Variants in AGAP1 observed in about 807,000 individuals in gnomAD.
AGAP1 encodes ArfGAP with GTPase domain, ankyrin repeat and PH domain 1.
Under a neutral mutation model 105.3 loss-of-function variants are expected in AGAP1, and 29 were observed. The ratio of observed to expected loss-of-function variants is 0.28; its 90% CI spans 0.21 to 0.38. The LOEUF (loss-of-function observed/expected upper bound fraction) is 0.38, where lower values mean the gene tolerates loss of function less well. Among genes scored for constraint, AGAP1 ranks in the 10% least tolerant of loss-of-function variants. The pLI is 1.00. For missense variants in AGAP1, 998 were observed against 1,165.1 expected (o/e 0.86, Z 2.09); for synonymous variants, 509 against 485.9 (o/e 1.05, Z -0.63).
At chr2:235,680,078 C>T (rs1036149273) in intron 1 of AGAP1, among the ~76,000 whole-genome samples, 6 of 152,208 alleles carry the variant, frequency 3.9e-5, no homozygotes, top group Non-Finnish European at 8.8e-5. Flanking sequence ...AGTGGTTGAG[C>T]TAGCAAGTAA....
At chr2:235,675,100 A>G (rs1002472672) in intron 1 of AGAP1, among the ~76,000 whole-genome samples, 3 of 152,056 alleles carry the variant, frequency 2.0e-5, no homozygotes, top group African/African-American at 4.8e-5. Flanking sequence ...ATGAAATAAA[A>G]TTACTGAAAC....
chr2:236,058,508 T>C lies in AGAP1; in HGVS notation c.2114+9227T>C, dbSNP rs1311085480. Among the ~76,000 whole-genome samples the C allele has an allele frequency of 6.6e-6, 1 of 152,162 alleles. No individual in the cohort carries two copies. Among genetic ancestry groups the C allele is most frequent in the East Asian group, 1.9e-4 (1 of 5,192 alleles). The stretch of plus-strand genomic sequence containing the variant: ...CTTTTCAAGGGATACAGAAAATACA[T>C]TTGACAAAACCACGTGCCCTTTCAT... On this transcript the variant is annotated intron_variant, in intron 16 of 17. Transcript: ENST00000304032. The surrounding 1 kb of genome is among the most constrained non-coding windows in gnomAD (Gnocchi z 4.6).
At chr2:235,899,921 A>T (rs1041655756) in intron 10 of AGAP1, among the ~76,000 whole-genome samples, 2 of 152,254 alleles carry the variant, frequency 1.3e-5, no homozygotes, top group African/African-American at 4.8e-5. Flanking sequence ...GTCAAGACAG[A>T]TACAGTCAAG....
rs1412109765 is a variant in AGAP1 at position 235,494,525 on chromosome 2, C to A, written c.-162C>A. The stretch of plus-strand genomic sequence containing the variant: ...GAACTGAGCCCGCGGGCCAGCCCCG[C>A]GCCTGCTCCGCCCGCGCCTTTCTTC... On this transcript the variant is annotated 5_prime_UTR_variant, in exon 1 of 18. Coordinates refer to ENST00000304032, the MANE Select transcript of AGAP1 (RefSeq NM_001037131.3). The A allele has an allele frequency of 6.9e-6, 1 of 145,330 alleles. No homozygotes were observed. Among genetic ancestry groups the A allele is most frequent in the Non-Finnish European group, 1.5e-5 (1 of 67,084 alleles). The allele number at this position is 145,330 out of a possible 1,614,324, so 9.0% of individuals were successfully genotyped here.
intron 1 of AGAP1, among the ~76,000 whole-genome samples, chr2:235,547,507 C>A (rs547180089): frequency 6.6e-6 from 1 of 152,116 alleles, no homozygotes; most frequent in South Asian, 2.1e-4. Context: ...TACAGACATG[C>A]ACCACCACGC....
intron 16 of AGAP1, among the ~76,000 whole-genome samples, chr2:236,110,318 A>G (rs548687544): frequency 4.6e-5 from 7 of 152,166 alleles, no homozygotes; most frequent in Non-Finnish European, 1.0e-4. Flanking sequence ...CAAACTGGTG[A>G]ACCCACTGCA....
intron 12 of AGAP1, among the ~76,000 whole-genome samples, chr2:235,956,663 C>T (rs59536327): frequency 0.043 from 6,539 of 152,240 alleles, 457 homozygotes; most frequent in African/African-American, 0.15. Context: ...CAGGGCTGTC[C>T]CACCTGTGGT....
intron 1 of AGAP1, among the ~76,000 whole-genome samples, chr2:235,543,495 T>G (rs1212826781): frequency 6.6e-6 from 1 of 152,154 alleles, no homozygotes; most frequent in East Asian, 1.9e-4. Context: ...GAGAAGAAGC[T>G]GGGGCTCGGC....
chr2:235,857,002 A>G (rs1055140143), intron 9 of AGAP1, among the ~76,000 whole-genome samples: 1 of 152,124 alleles, frequency 6.6e-6, no homozygotes, highest in Non-Finnish European at 1.5e-5. Flanking sequence ...ACTGTATTTA[A>G]TGGGCCGGGA....
chr2:235,707,470 T>C (rs112699005), intron 1 of AGAP1, among the ~76,000 whole-genome samples: 6,114 of 18,660 alleles, frequency 0.33, 1,348 homozygotes, highest in African/African-American at 0.52. Context: ...GCCCTCCCCA[T>C]GACCCCCCCC....
rs779935162 is a variant in AGAP1 at position 236,014,929 on chromosome 2, C to T, written c.1646-21632C>T. On this transcript the variant is annotated intron_variant, in intron 13 of 17. Coordinates refer to ENST00000304032, the MANE Select transcript of AGAP1 (RefSeq NM_001037131.3). This position sits in a 1 kb window ranked among gnomAD's most constrained non-coding sequence, Gnocchi z 6.3. Reference sequence around the variant, plus strand: ...CCCACACCTCCACCTGCCTCTTCCCCTCTCATCCCCTGCCCGCCCCTTCCT... The same window carrying T: ...CCCACACCTCCACCTGCCTCTTCCCTTCTCATCCCCTGCCCGCCCCTTCCT... 5.7e-6 allele frequency: 2 copies of T among 352,680 alleles called. No individual in the cohort carries two copies. Among genetic ancestry groups the T allele is most frequent in the African/African-American group, 4.4e-5 (2 of 45,418 alleles). 21.8% of individuals were successfully genotyped at this position (352,680 alleles called of 1,614,324 possible). A position where few individuals can be genotyped will look rare whatever the true frequency, so the allele number is the denominator to read the frequency against.
At chr2:235,717,437 C>A in intron 2 of AGAP1, 120 bp from the exon 3 acceptor site, 2 of 733,494 alleles carry the variant, frequency 2.7e-6, no homozygotes, top group East Asian at 3.0e-5. Flanking sequence ...TTTTGGCCAT[C>A]CAGCCAGTGC....
chr2:235,539,181 C>G (rs1943352636), intron 1 of AGAP1, among the ~76,000 whole-genome samples: 2 of 152,210 alleles, frequency 1.3e-5, no homozygotes, highest in African/African-American at 4.8e-5. Flanking sequence ...GTGATTGCAT[C>G]TAATCAGGAC....
Position 235,883,690 on chromosome 2 carries a change from A to G in AGAP1, c.1155+241A>G, listed in dbSNP as rs61676267. 0.029 allele frequency among the ~76,000 whole-genome samples: 4,390 copies of G among 152,340 alleles called. 191 individuals carry two copies. Among genetic ancestry groups the G allele is most frequent in the African/African-American group, 0.1 (4,178 of 41,568 alleles). On this transcript the variant is annotated intron_variant, in intron 10 of 17. Coordinates refer to ENST00000304032, the MANE Select transcript of AGAP1 (RefSeq NM_001037131.3). This position sits in a 1 kb window ranked among gnomAD's most constrained non-coding sequence, Gnocchi z 4.5. The stretch of plus-strand genomic sequence containing the variant: ...GCTTTCCAATTCTACAAAGAATTAC[A>G]ATAAAAGGCACAGATGAAGTAAAAT...
rs1357490298 is a variant in AGAP1, at chr2:235,608,197, C to T, written c.164-100982C>T. Among the ~76,000 whole-genome samples, 1 of 152,234 alleles carries T rather than the reference C, an allele frequency of 6.6e-6. No homozygotes were observed. Among genetic ancestry groups the T allele is most frequent in the Non-Finnish European group, 1.5e-5 (1 of 68,042 alleles). ...GCGGAGCCTCAGCATCTCTTCTCTG[C>T]TTGGCCCACGTCTAGCAGTTCTTCT... is the stretch of plus-strand genomic sequence containing the variant. On this transcript the variant is annotated intron_variant, in intron 1 of 17. Coordinates refer to ENST00000304032, the MANE Select transcript of AGAP1 (RefSeq NM_001037131.3). This position sits in a 1 kb window ranked among gnomAD's most constrained non-coding sequence, Gnocchi z 5.4.
Position 236,061,378 on chromosome 2 carries a change from G to C in AGAP1, c.2114+12097G>C, listed in dbSNP as rs144282724. 3.3e-4 allele frequency among the ~76,000 whole-genome samples: 50 copies of C among 152,244 alleles called. 3 individuals carry two copies. In the East Asian group the frequency reaches 7.9e-3, roughly 24 times the overall value. ...ATACCTAAGATAAATGAAAACACTT[G>C]TCCACACAAAAATGTACACCTGAGT... On this transcript the variant is annotated intron_variant, in intron 16 of 17. Transcript: ENST00000304032. This position sits in a 1 kb window ranked among gnomAD's most constrained non-coding sequence, Gnocchi z 4.1.
Position 235,639,047 on chromosome 2 carries a change from G to A in AGAP1, c.164-70132G>A, listed in dbSNP as rs1337383121. ...TTAAAATAGTGTCAGTAGGGGTGGA[G>A]AGAAGGGGACAAAAGAGTCTTAGAG... On this transcript the variant is annotated intron_variant, in intron 1 of 17. Coordinates refer to ENST00000304032, the MANE Select transcript of AGAP1 (RefSeq NM_001037131.3). This position sits in a 1 kb window ranked among gnomAD's most constrained non-coding sequence, Gnocchi z 5.3. Among the ~76,000 whole-genome samples, 3 of 152,166 alleles carry A rather than the reference G, an allele frequency of 2.0e-5. No individual in the cohort carries two copies. Among genetic ancestry groups the A allele is most frequent in the Admixed American group, 1.3e-4 (2 of 15,286 alleles).
rs2149678960 is a variant in AGAP1 at position 235,744,646 on chromosome 2, A to C, written c.397-52A>C. 3 of 1,609,568 alleles carry C rather than the reference A, an allele frequency of 1.9e-6. No homozygotes were observed. The highest frequency in any genetic ancestry group is 1.3e-5 in the African/African-American group (1 of 74,916). ...CCGCCATGCAGACATCTCTGTTCTT[A>C]ATCAAGCCTGCTCACTCAGCTCCTG... On this transcript the variant is annotated intron_variant, in intron 4 of 17. Coordinates refer to ENST00000304032, the MANE Select transcript of AGAP1 (RefSeq NM_001037131.3). The surrounding 1 kb of genome is among the most constrained non-coding windows in gnomAD (Gnocchi z 5.2).
At position 235,596,496 on chromosome 2, in the gene AGAP1, T is replaced by C. The variant is rs1326119731; in HGVS notation, c.163+101647T>C. Among the ~76,000 whole-genome samples the C allele has an allele frequency of 6.6e-6, 1 of 152,158 alleles. No homozygotes were observed. The highest frequency in any genetic ancestry group is 2.4e-5 in the African/African-American group (1 of 41,442). ...GCAAGGCAAGGTGGACCTGAGAGTC[T>C]GTGTTTCTGGTGAGCCACAGGTAGC... is the stretch of plus-strand genomic sequence containing the variant. On this transcript the variant is annotated intron_variant, in intron 1 of 17. Coordinates refer to ENST00000304032, the MANE Select transcript of AGAP1 (RefSeq NM_001037131.3). The surrounding 1 kb of genome is among the most constrained non-coding windows in gnomAD (Gnocchi z 5.9).
Sources: allele counts gnomAD v4.1 joint callset (sites outside exome capture counted in the v4.1 genomes callset), GRCh38; gene constraint gnomAD v4.1.1; non-coding constraint Gnocchi (gnomAD v3.1); transcripts MANE v1.5; gene names NCBI Gene and HGNC (gene_info 2026-07-23, HGNC 2026-07-21).